PPP2R2C: variants seen among roughly 807,000 people sequenced by gnomAD.
PPP2R2C encodes the protein protein phosphatase 2 regulatory subunit Bgamma.
In PPP2R2C, 10 loss-of-function variants were observed where a neutral mutation model predicts 45.3. That is an observed-to-expected ratio of 0.22 (90% CI 0.14 to 0.37). The LOEUF (loss-of-function observed/expected upper bound fraction) is 0.37. Ranked by LOEUF, PPP2R2C falls within the 10% of genes least tolerant of loss-of-function variation. The pLI is 1.00. For missense variants in PPP2R2C, 308 were observed against 619.7 expected, an observed-to-expected ratio of 0.50 and a Z score of 5.34; for synonymous variants, 257 against 245.4, an observed-to-expected ratio of 1.05 and a Z score of -0.44.
intron 2 of PPP2R2C, among the ~76,000 whole-genome samples, chr4:6,518,936 A>T (rs1281937692): frequency 1.8e-5 from 2 of 111,164 alleles, no homozygotes; most frequent in Non-Finnish European, 2.0e-5. Flanking sequence ...AAAAAAAAAA[A>T]AAAAAAAAAA....
In PPP2R2C at chr4:6,345,936, A is replaced by T. The variant is rs1017681382; in HGVS notation, c.790+1910T>A. Among the ~76,000 whole-genome samples, 1 of 152,110 alleles carries T rather than the reference A, an allele frequency of 6.6e-6. No individual in the cohort carries two copies. Among genetic ancestry groups the T allele is most frequent in the Non-Finnish European group, 1.5e-5 (1 of 68,012 alleles). Reference sequence around the variant, plus strand: ...CTGCCTACTCGACCCATTTCCTTGGAACCCAATACGGGCCTCAGGCTCGCG... The same window carrying T: ...CTGCCTACTCGACCCATTTCCTTGGTACCCAATACGGGCCTCAGGCTCGCG... On this transcript the variant is annotated intron_variant, in intron 6 of 8. Transcript: ENST00000382599. This position sits in a 1 kb window ranked among gnomAD's most constrained non-coding sequence, Gnocchi z 5.3.
At chr4:6,475,023 T>A (rs4689010), upstream of PPP2R2C, among the ~76,000 whole-genome samples, 16 of 152,206 alleles carry the variant, frequency 1.1e-4, no homozygotes, top group Non-Finnish European at 2.2e-4. Flanking sequence ...CTACTATGTG[T>A]AGGCATGTTC....
At chr4:6,544,687 G>A (rs543464848) in intron 1 of PPP2R2C, among the ~76,000 whole-genome samples, 25 of 152,312 alleles carry the variant, frequency 1.6e-4, no homozygotes, top group Non-Finnish European at 3.2e-4. Flanking sequence ...GTGTCCCCCT[G>A]TGCTCGGGCA....
intron 1 of PPP2R2C, among the ~76,000 whole-genome samples, chr4:6,406,915 G>A (rs928738222): frequency 6.6e-6 from 1 of 152,214 alleles, no homozygotes; most frequent in Non-Finnish European, 1.5e-5. Flanking sequence ...AATTATCTGA[G>A]TAAGCCCTAA....
At chr4:6,444,769 C>G (rs1012428909) in intron 1 of PPP2R2C, among the ~76,000 whole-genome samples, 1 of 152,246 alleles carries the variant, frequency 6.6e-6, no homozygotes, top group Admixed American at 6.5e-5. Flanking sequence ...CTACTCTCAG[C>G]AGTTTTCACT....
chr4:6,458,524 C>T (rs538356653), intron 1 of PPP2R2C, among the ~76,000 whole-genome samples: 1 of 152,292 alleles, frequency 6.6e-6, no homozygotes, highest in Non-Finnish European at 1.5e-5. Flanking sequence ...TCCCAAAGTC[C>T]CCACCTTTTA....
intron 1 of PPP2R2C, among the ~76,000 whole-genome samples, chr4:6,432,749 C>T (rs1235549427): frequency 2.6e-5 from 4 of 152,162 alleles, no homozygotes; most frequent in Admixed American, 2.6e-4. Flanking sequence ...GGTTTCACTG[C>T]CAAATAAGTT....
chr4:6,334,085 T>C (rs1447404431), intron 6 of PPP2R2C, among the ~76,000 whole-genome samples: 3 of 152,148 alleles, frequency 2.0e-5, no homozygotes, highest in African/African-American at 7.2e-5. Context: ...GAATGCCAGA[T>C]TGCAAAGGTG....
At chr4:6,503,447 C>T (rs1167606670) in intron 2 of PPP2R2C, among the ~76,000 whole-genome samples, 3 of 152,182 alleles carry the variant, frequency 2.0e-5, no homozygotes, top group Non-Finnish European at 4.4e-5. Context: ...TTCTTTTTCT[C>T]CCTGACACTC....
intron 1 of PPP2R2C, among the ~76,000 whole-genome samples, chr4:6,446,517 T>C (rs1297590739): frequency 6.6e-6 from 1 of 152,180 alleles, no homozygotes; most frequent in Non-Finnish European, 1.5e-5. Flanking sequence ...AATATCACTC[T>C]TCTCAAGGTG....
At chr4:6,453,812 C>G (rs1028952967) in intron 1 of PPP2R2C, among the ~76,000 whole-genome samples, 3 of 152,184 alleles carry the variant, frequency 2.0e-5, no homozygotes, top group African/African-American at 7.2e-5. Flanking sequence ...AAGGCAAGCA[C>G]AGCCCCACCG....
chr4:6,549,265 C>G (rs1725100267), intron 1 of PPP2R2C, among the ~76,000 whole-genome samples: 1 of 152,106 alleles, frequency 6.6e-6, no homozygotes, highest in African/African-American at 2.4e-5. Context: ...GTTTTTCCAC[C>G]TCCACCCCCA....
chr4:6,459,304 T>C (rs1721201455), intron 1 of PPP2R2C, among the ~76,000 whole-genome samples: 1 of 152,168 alleles, frequency 6.6e-6, no homozygotes, highest in African/African-American at 2.4e-5. Flanking sequence ...CTCCACAAAC[T>C]GCTTGGGCTT....
chr4:6,445,529 A>G (rs9968250), intron 1 of PPP2R2C, among the ~76,000 whole-genome samples: 20,652 of 152,268 alleles, frequency 0.14, 1,484 homozygotes, highest in African/African-American at 0.17. Context: ...GACAGATGAG[A>G]TTGCAAAGTT....
rs534976099 is a variant in PPP2R2C at position 6,442,309 on chromosome 4, C to T, written c.70+29851G>A. ...TGGGCTGATTCTGCCCAGAGAGGGG[C>T]ATCAGCTCTGCCCGCTCTCAGCAGG... is the stretch of plus-strand genomic sequence containing the variant. On this transcript the variant is annotated intron_variant, in intron 1 of 8. Coordinates refer to ENST00000382599, the MANE Select transcript of PPP2R2C (RefSeq NM_020416.4). Among the ~76,000 whole-genome samples the T allele has an allele frequency of 4.7e-4, 72 of 152,242 alleles. 1 individual carries two copies. The highest frequency in any genetic ancestry group is 9.0e-4 in the Non-Finnish European group (61 of 68,046).
At chr4:6,327,371 C>T (rs1415096721) in intron 8 of PPP2R2C, among the ~76,000 whole-genome samples, 2 of 152,152 alleles carry the variant, frequency 1.3e-5, no homozygotes, top group African/African-American at 4.8e-5. Context: ...GACAGGAGAG[C>T]CCAGGCCTAG....
rs78640735 is a variant in PPP2R2C at position 6,401,600 on chromosome 4, G to A, written c.71-20506C>T. Among the ~76,000 whole-genome samples the A allele has an allele frequency of 2.5e-4, 38 of 152,166 alleles. No homozygotes were observed. In the East Asian group the frequency reaches 5.6e-3, roughly 22 times the overall value. On this transcript the variant is annotated intron_variant, in intron 1 of 8. Transcript: ENST00000382599. ...CAAGACCTAACCTCTGGAGCATCCC[G>A]GTCTGAGATAGCCCTTTGAGCTCCA...
At chr4:6,362,103 G>C (rs754427301) in intron 5 of PPP2R2C, among the ~76,000 whole-genome samples, 3 of 152,134 alleles carry the variant, frequency 2.0e-5, no homozygotes. Flanking sequence ...GGGTGGCTGA[G>C]CATGAGGGAG....
intron 1 of PPP2R2C, chr4:6,384,967 G>A (rs1716114629): frequency 5.2e-6 from 3 of 573,456 alleles, no homozygotes; most frequent in South Asian, 7.6e-5. Flanking sequence ...TGCTTATGGT[G>A]GAGCCTTCCC....
Sources: allele counts gnomAD v4.1 joint callset (sites outside exome capture counted in the v4.1 genomes callset), GRCh38; gene constraint gnomAD v4.1.1; non-coding constraint Gnocchi (gnomAD v3.1); transcripts MANE v1.5; gene names NCBI Gene and HGNC (gene_info 2026-07-23, HGNC 2026-07-21).